Variants in TEAD4 observed in about 807,000 individuals in gnomAD.
TEAD4 encodes transcriptional enhancer factor TEF-3.
TEAD4 carries 36 observed loss-of-function variants against 52.4 expected under a neutral mutation model. That is an observed-to-expected ratio of 0.69 (90% confidence interval 0.53 to 0.91). The LOEUF (loss-of-function observed/expected upper bound fraction) is 0.91, where lower values mean the gene tolerates loss of function less well. TEAD4 is among the 40% of genes least tolerant of loss of function. TEAD4 has a pLI of 0.00. For missense variants in TEAD4, 508 were observed against 583.9 expected, an observed-to-expected ratio of 0.87 and a Z score of 1.34; for synonymous variants, 220 against 231.0, an observed-to-expected ratio of 0.95 and a Z score of 0.43.
In TEAD4 at chr12:3,001,220, T is replaced by A. The variant is rs545602635; in HGVS notation, c.226+6228T>A. Among the ~76,000 whole-genome samples the A allele has an allele frequency of 3.9e-5, 6 of 152,388 alleles. No individual in the cohort carries two copies. The East Asian group carries it at 1.2e-3, about 29-fold the overall frequency. ...TTTGTGGGAGGTGATTTGGTTTATTTATTTTATTGTGAGAAAAATATACAT... is the reference window on the plus strand; with the variant it reads ...TTTGTGGGAGGTGATTTGGTTTATTAATTTTATTGTGAGAAAAATATACAT... On this transcript the variant is annotated intron_variant, in intron 3 of 12. Transcript: ENST00000359864.
chr12:3,021,800 G>A (rs764957216), intron 9 of TEAD4, 44 bp from the exon 10 acceptor site: 29 of 1,596,504 alleles, frequency 1.8e-5, no homozygotes, highest in South Asian at 5.6e-5. Context: ...CTGTCTGACC[G>A]TCTGGCCTGT....
intron 2 of TEAD4, among the ~76,000 whole-genome samples, chr12:2,978,856 C>G (rs1253029028): frequency 6.6e-6 from 1 of 152,114 alleles, no homozygotes; most frequent in Non-Finnish European, 1.5e-5. Context: ...GCTTGTTTCA[C>G]TTAGTGCAAT....
chr12:2,980,931 G>T (rs2098233651), intron 2 of TEAD4, among the ~76,000 whole-genome samples: 1 of 152,154 alleles, frequency 6.6e-6, no homozygotes, highest in Admixed American at 6.6e-5. Context: ...CTTCAGAGCC[G>T]CAGTCTGAGC....
intron 3 of TEAD4, among the ~76,000 whole-genome samples, chr12:3,008,396 T>G (rs1192634122): frequency 6.6e-6 from 1 of 152,108 alleles, no homozygotes; most frequent in African/African-American, 2.4e-5. Flanking sequence ...GTAGACTAGA[T>G]CAGAGAGGTG....
At chr12:3,009,141 G>T (rs2098258198) in intron 3 of TEAD4, among the ~76,000 whole-genome samples, 2 of 152,234 alleles carry the variant, frequency 1.3e-5, no homozygotes, top group East Asian at 1.9e-4. Flanking sequence ...AAGAAGAGAC[G>T]GCTGGGCTGG....
At chr12:3,015,993 G>A (rs2098264220) in intron 5 of TEAD4, among the ~76,000 whole-genome samples, 1 of 152,034 alleles carries the variant, frequency 6.6e-6, no homozygotes, top group South Asian at 2.1e-4. Context: ...CTGGGCTAAT[G>A]AGATGCTGTC....
At chr12:3,033,777 G>T (rs914926663) in intron 10 of TEAD4, among the ~76,000 whole-genome samples, 1 of 152,244 alleles carries the variant, frequency 6.6e-6, no homozygotes, top group Admixed American at 6.5e-5. Flanking sequence ...CAGGGCAGGG[G>T]ACCGGGGCAG....
chr12:3,019,098 T>TCC lies in TEAD4; in HGVS notation c.528-16_528-15dup. The TCC allele has an allele frequency of 6.2e-7, 1 of 1,613,774 alleles. No individual in the cohort carries two copies. The highest frequency in any genetic ancestry group is 1.3e-5 in the African/African-American group (1 of 74,974). Reference sequence around the variant, plus strand: ...GCCTGCCCGAGGCTGACACCTCCCCTCCTCTCTCTCCCGCAGTGTGAAGCC... The same window carrying TCC: ...GCCTGCCCGAGGCTGACACCTCCCCTCCCCTCTCTCTCCCGCAGTGTGAAGCC... On this transcript the variant is annotated splice_polypyrimidine_tract_variant and intron_variant, in intron 7 of 12. Coordinates refer to ENST00000359864, the MANE Select transcript of TEAD4 (RefSeq NM_003213.4).
chr12:3,000,188 A>G (rs1488106169), intron 3 of TEAD4, among the ~76,000 whole-genome samples: 6 of 152,226 alleles, frequency 3.9e-5, no homozygotes, highest in Non-Finnish European at 1.5e-5. Flanking sequence ...GGTTGTCCAC[A>G]GCCGATATTA....
intron 2 of TEAD4, among the ~76,000 whole-genome samples, chr12:2,987,664 C>T (rs2098239703): frequency 6.6e-6 from 1 of 151,278 alleles, no homozygotes; most frequent in African/African-American, 2.4e-5. Flanking sequence ...CCTCGTGATC[C>T]GCCCGCCTCG....
intron 2 of TEAD4, among the ~76,000 whole-genome samples, chr12:2,977,573 A>G (rs1174355505): frequency 6.6e-6 from 1 of 152,108 alleles, no homozygotes; most frequent in Non-Finnish European, 1.5e-5. Flanking sequence ...GCTTTTCTCA[A>G]TCCTCAGTGG....
At chr12:3,013,036 C>T (rs902564271) in intron 5 of TEAD4, among the ~76,000 whole-genome samples, 4 of 152,212 alleles carry the variant, frequency 2.6e-5, no homozygotes, top group Non-Finnish European at 4.4e-5. Flanking sequence ...ACTGCAGCCT[C>T]GACCTCATAA....
At chr12:2,969,238 T>C (rs1051241478) in intron 2 of TEAD4, among the ~76,000 whole-genome samples, 3 of 152,256 alleles carry the variant, frequency 2.0e-5, no homozygotes, top group Admixed American at 6.5e-5. Context: ...GCTCACTGAA[T>C]GCTGCATTGA....
chr12:3,018,238 G>A (rs115264620), intron 6 of TEAD4, among the ~76,000 whole-genome samples: 1,635 of 152,310 alleles, frequency 0.011, 37 homozygotes, highest in African/African-American at 0.037. Flanking sequence ...CATTAAGTGG[G>A]TTCTTGGCAC....
At chr12:2,987,665 G>T (rs963631155) in intron 2 of TEAD4, among the ~76,000 whole-genome samples, 3 of 151,128 alleles carry the variant, frequency 2.0e-5, no homozygotes, top group African/African-American at 4.8e-5. Flanking sequence ...CTCGTGATCC[G>T]CCCGCCTCGG....
chr12:3,006,237 C>G (rs953834449), intron 3 of TEAD4, among the ~76,000 whole-genome samples: 4 of 152,120 alleles, frequency 2.6e-5, no homozygotes, highest in African/African-American at 9.7e-5. Flanking sequence ...GAAGGAGATG[C>G]TCGTTGGACC....
rs192770347 is a variant in TEAD4 at position 2,982,689 on chromosome 12, C to T, written c.-29-12049C>T. Among the ~76,000 whole-genome samples, 498 of 152,302 alleles carry T rather than the reference C, an allele frequency of 3.3e-3. 2 individuals are homozygous for T. Among genetic ancestry groups the T allele is most frequent in the Non-Finnish European group, 5.4e-3 (366 of 68,020 alleles). On this transcript the variant is annotated intron_variant, in intron 2 of 12. Transcript: ENST00000359864. The stretch of plus-strand genomic sequence containing the variant: ...CTGTGAACCTGGAGCACCAGGGACA[C>T]GTGGGGCTGGGAGCAACCCCATTTC...
chr12:2,969,910 G>T (rs904330065), intron 2 of TEAD4, among the ~76,000 whole-genome samples: 3 of 152,106 alleles, frequency 2.0e-5, no homozygotes, highest in Non-Finnish European at 4.4e-5. Context: ...GAAATACTAT[G>T]TAAGCCTAGG....
At position 2,963,924 on chromosome 12, in the gene TEAD4, G is replaced by A. The variant is rs992068732; in HGVS notation, c.-30+3884G>A. Among the ~76,000 whole-genome samples, 20 of 152,260 alleles carry A rather than the reference G, an allele frequency of 1.3e-4. 1 individual carries two copies. Among genetic ancestry groups the A allele is most frequent in the Middle Eastern group, 6.8e-3 (2 of 294 alleles). On this transcript the variant is annotated intron_variant, in intron 2 of 12. Transcript: ENST00000359864. ...CATGGGTGGGGACTCTGCTTCCTTT[G>A]ACCCAAACTTCATGGGAACAATAGA...
Sources: allele counts gnomAD v4.1 joint callset (sites outside exome capture counted in the v4.1 genomes callset), GRCh38; gene constraint gnomAD v4.1.1; transcripts MANE v1.5; gene names NCBI Gene and HGNC (gene_info 2026-07-23, HGNC 2026-07-21).